BARX2: variants seen among roughly 807,000 people sequenced by gnomAD.
BARX2 encodes the protein BARX homeobox 2.
In BARX2, 11 loss-of-function variants were observed where a neutral mutation model predicts 25.5. The ratio of observed to expected loss-of-function variants is 0.43; its 90% CI spans 0.27 to 0.71. The LOEUF is 0.71. Ranked by LOEUF, BARX2 falls within the 30% of genes least tolerant of loss-of-function variation. The pLI is 0.19. For missense variants in BARX2, 360 were observed against 359.9 expected, an observed-to-expected ratio of 1.00 and a Z score of 0.00; for synonymous variants, 137 against 149.5, an observed-to-expected ratio of 0.92 and a Z score of 0.61.
At chr11:129,398,154 G>A (rs1286491196) in intron 1 of BARX2, among the ~76,000 whole-genome samples, 1 of 152,206 alleles carries the variant, frequency 6.6e-6, no homozygotes, top group Non-Finnish European at 1.5e-5. Flanking sequence ...GACTGTGATG[G>A]TGACTTGGGT....
chr11:129,421,245 A>G (rs1056759256), intron 1 of BARX2, among the ~76,000 whole-genome samples: 1 of 152,194 alleles, frequency 6.6e-6, no homozygotes, highest in Non-Finnish European at 1.5e-5. Context: ...AGACTCAAAC[A>G]TGAGTAAATA....
chr11:129,451,865 A>G lies in BARX2; in HGVS notation c.*463A>G, dbSNP rs991428482. ...CTTATTTCTGTAGTTTTAAAAAAGA[A>G]TTTAATGTTTTTGGTTGTATTTTTT... On this transcript the variant is annotated 3_prime_UTR_variant, in exon 4 of 4. Transcript: ENST00000281437. 4.3e-5 allele frequency: 6 copies of G among 139,756 alleles called. No individual in the cohort carries two copies. Among genetic ancestry groups the G allele is most frequent in the African/African-American group, 1.7e-4 (6 of 35,856 alleles). The allele number at this position is 139,756 out of a possible 1,614,324, so 8.7% of individuals were successfully genotyped here. A position where few individuals can be genotyped will look rare whatever the true frequency, so the allele number is the denominator to read the frequency against.
intron 1 of BARX2, among the ~76,000 whole-genome samples, chr11:129,424,381 CCAG>C: frequency 6.6e-6 from 1 of 152,288 alleles, no homozygotes; most frequent in Admixed American, 6.5e-5. Flanking sequence ...GGCCCTAAAT[CCAG>C]CAGTCACCTC....
chr11:129,422,518 C>T (rs550366646), intron 1 of BARX2, among the ~76,000 whole-genome samples: 3 of 152,192 alleles, frequency 2.0e-5, no homozygotes, highest in South Asian at 4.2e-4. Flanking sequence ...AGGTTGATCT[C>T]GAATTTCTGG....
chr11:129,384,113 C>T (rs982417951), intron 1 of BARX2, among the ~76,000 whole-genome samples: 2 of 152,114 alleles, frequency 1.3e-5, no homozygotes, highest in African/African-American at 2.4e-5. Flanking sequence ...ACCTTGTGAT[C>T]CACCTGCCTC....
At chr11:129,443,860 C>T (rs1360240795) in intron 3 of BARX2, among the ~76,000 whole-genome samples, 1 of 151,946 alleles carries the variant, frequency 6.6e-6, no homozygotes, top group Non-Finnish European at 1.5e-5. Context: ...GGAGGGGTGG[C>T]GATAAGGGAA....
chr11:129,402,089 A>G (rs886135210), intron 1 of BARX2, among the ~76,000 whole-genome samples: 2 of 151,976 alleles, frequency 1.3e-5, no homozygotes, highest in African/African-American at 4.8e-5. Flanking sequence ...GTATGAACAA[A>G]TATAAATCAT....
At chr11:129,406,583 G>A (rs1269738517) in intron 1 of BARX2, among the ~76,000 whole-genome samples, 3 of 151,592 alleles carry the variant, frequency 2.0e-5, no homozygotes, top group African/African-American at 7.3e-5. Context: ...TGCTGTGACA[G>A]TGCTTGGGGA....
chr11:129,428,083 G>A (rs1862087938), intron 1 of BARX2, among the ~76,000 whole-genome samples: 1 of 152,216 alleles, frequency 6.6e-6, no homozygotes. Flanking sequence ...ATCCCAGAGG[G>A]AAACATTGGC....
intron 1 of BARX2, among the ~76,000 whole-genome samples, chr11:129,395,250 G>T (rs1861706461): frequency 6.6e-6 from 1 of 152,170 alleles, no homozygotes; most frequent in Non-Finnish European, 1.5e-5. Context: ...AGCCTAGAGA[G>T]TCTATTTAGT....
At chr11:129,444,862 G>A (rs1176536621) in intron 3 of BARX2, among the ~76,000 whole-genome samples, 1 of 152,094 alleles carries the variant, frequency 6.6e-6, no homozygotes, top group East Asian at 1.9e-4. Context: ...TTAGCTGGGT[G>A]TGGTGTTGGT....
rs146071435 is a variant in BARX2 at position 129,412,033 on chromosome 11, G to A, written c.188-24718G>A. Among the ~76,000 whole-genome samples the A allele has an allele frequency of 7.0e-3, 1,065 of 152,276 alleles. 12 individuals are homozygous for A. Among genetic ancestry groups the A allele is most frequent in the African/African-American group, 0.023 (975 of 41,548 alleles). On this transcript the variant is annotated intron_variant, in intron 1 of 3. Transcript: ENST00000281437. ...CACACCTGTAATCCCAGCACTTTGG[G>A]AGGCCGAGGCAGGCAGATCACAAGG...
intron 2 of BARX2, among the ~76,000 whole-genome samples, chr11:129,442,255 G>T (rs150168410): frequency 6.6e-6 from 1 of 152,128 alleles, no homozygotes; most frequent in African/African-American, 2.4e-5. Context: ...GAAGGTATAC[G>T]CTGCCCTGGC....
intron 2 of BARX2, chr11:129,438,110 G>A (rs1862214284): frequency 6.6e-6 from 1 of 151,918 alleles, no homozygotes; most frequent in African/African-American, 2.4e-5. Context: ...GGATCACGAG[G>A]TCAGGAGTTC....
chr11:129,401,840 C>A (rs55957820), intron 1 of BARX2, among the ~76,000 whole-genome samples: 8,961 of 151,878 alleles, frequency 0.059, 367 homozygotes, highest in South Asian at 0.16. Context: ...CCTATAATTC[C>A]AGCTACTTCA....
rs978260977 is a variant in BARX2, at chr11:129,390,774, C to T, written c.187+14552C>T. 2.0e-5 allele frequency among the ~76,000 whole-genome samples: 3 copies of T among 152,194 alleles called. No individual in the cohort carries two copies. The highest frequency in any genetic ancestry group is 4.4e-5 in the Non-Finnish European group (3 of 68,038). ...CTGATTGGGCAATGGCCTGGCCAGC[C>T]ACACAGGTAGCCCAATCATCATATG... On this transcript the variant is annotated intron_variant, in intron 1 of 3. Coordinates refer to ENST00000281437, the MANE Select transcript of BARX2 (RefSeq NM_003658.5). This position sits in a 1 kb window ranked among gnomAD's most constrained non-coding sequence, Gnocchi z 4.3.
chr11:129,411,360 G>A (rs1861884657), intron 1 of BARX2, among the ~76,000 whole-genome samples: 1 of 125,640 alleles, frequency 8.0e-6, no homozygotes. Context: ...GACAGAGTGA[G>A]ACTCCATCTC....
rs1862198712 is a variant in BARX2 at position 129,436,971 on chromosome 11, T to C, written c.408T>C (p.Ser136=). The stretch of plus-strand genomic sequence containing the variant: ...CCCGACAGAAGAAGCCCCGCCGGAG[T>C]CGCACCATCTTCACCGAGCTGCAGC... ...PTPRQKKPRR[S]RTIFTELQLM... Residue 136 remains serine, a synonymous_variant, in exon 2 of 4, where the codon AGT becomes AGC. Transcript: ENST00000281437. The surrounding 1 kb of genome is among the most constrained non-coding windows in gnomAD (Gnocchi z 4.5). The C allele has an allele frequency of 1.9e-6, 3 of 1,609,930 alleles. No homozygotes were observed. The highest frequency in any genetic ancestry group is 2.5e-6 in the Non-Finnish European group (3 of 1,177,454).
intron 3 of BARX2, among the ~76,000 whole-genome samples, chr11:129,444,033 G>A (rs1422903343): frequency 6.6e-6 from 1 of 151,870 alleles, no homozygotes; most frequent in African/African-American, 2.4e-5. Context: ...CCTATGTCTT[G>A]GTGTTTCAGG....
Sources: gnomAD v4.1 joint callset for allele counts (sites outside exome capture counted in the v4.1 genomes callset) on GRCh38, gnomAD v4.1.1 for gene constraint, Gnocchi (gnomAD v3.1) non-coding constraint, MANE v1.5 for transcripts, NCBI Gene and HGNC (gene_info 2026-07-23, HGNC 2026-07-21) for gene names.